KCNQ3: variants seen among roughly 807,000 people sequenced by gnomAD.
The protein encoded by KCNQ3 is potassium voltage-gated channel subfamily Q member 3.
A neutral mutation model predicts 92.5 loss-of-function variants in KCNQ3; 30 were observed. The ratio of observed to expected loss-of-function variants is 0.32; its 90% CI spans 0.24 to 0.44. KCNQ3 has a LOEUF of 0.44. Among genes scored for constraint, KCNQ3 ranks in the 20% least tolerant of loss-of-function variants. The probability of loss-of-function intolerance (pLI) is 1.00; values close to 1 mark genes in which losing one functional copy is unlikely to be tolerated. For missense variants in KCNQ3, 913 were observed against 1,140.3 expected, an observed-to-expected ratio of 0.80 and a Z score of 2.87; for synonymous variants, 450 against 468.8, an observed-to-expected ratio of 0.96 and a Z score of 0.52.
chr8:132,229,931 T>C (rs192511720), intron 1 of KCNQ3, among the ~76,000 whole-genome samples: 2 of 152,230 alleles, frequency 1.3e-5, no homozygotes, highest in East Asian at 1.9e-4. Context: ...CTCACATAAT[T>C]GGCATTTTTG....
intron 9 of KCNQ3, among the ~76,000 whole-genome samples, chr8:132,162,600 G>T (rs556849201): frequency 1.2e-4 from 19 of 152,210 alleles, no homozygotes; most frequent in South Asian, 2.1e-4. Context: ...TCTCCTCAAA[G>T]GCCCTTACAG....
At chr8:132,399,426 A>C (rs1276552875) in intron 1 of KCNQ3, among the ~76,000 whole-genome samples, 4 of 152,152 alleles carry the variant, frequency 2.6e-5, no homozygotes, top group African/African-American at 9.7e-5. Flanking sequence ...CCAGTCTTCT[A>C]CTTCCTCTTA....
At chr8:132,221,705 T>C (rs1814243391) in intron 1 of KCNQ3, among the ~76,000 whole-genome samples, 1 of 152,138 alleles carries the variant, frequency 6.6e-6, no homozygotes, top group African/African-American at 2.4e-5. Flanking sequence ...CTTGTACTGG[T>C]ACCAAAACAG....
At chr8:132,346,056 GATGGA>G (rs909988227) in intron 1 of KCNQ3, among the ~76,000 whole-genome samples, 15 of 152,228 alleles carry the variant, frequency 9.9e-5, no homozygotes, top group Non-Finnish European at 2.2e-4. Flanking sequence ...TGATGGTGAT[GATGGA>G]ATGGTCATAA....
intron 1 of KCNQ3, among the ~76,000 whole-genome samples, chr8:132,212,598 T>A (rs1371052647): frequency 6.6e-6 from 1 of 151,870 alleles, no homozygotes; most frequent in Non-Finnish European, 1.5e-5. Flanking sequence ...CAAAGGCTCA[T>A]CAGGTCCATG....
In KCNQ3 at chr8:132,319,184, C is replaced by T. The variant is rs1485381092; in HGVS notation, c.387-133003G>A. Among the ~76,000 whole-genome samples, 3 of 152,162 alleles carry T rather than the reference C, an allele frequency of 2.0e-5. No homozygotes were observed. The East Asian group carries it at 5.8e-4, about 29-fold the overall frequency. On this transcript the variant is annotated intron_variant, in intron 1 of 14. Transcript: ENST00000388996. ...ATGGATCCCAGTGTTAGGAAATATA[C>T]AAACAACAATCACTTCTGTGCATCA...
intron 1 of KCNQ3, among the ~76,000 whole-genome samples, chr8:132,418,339 G>A (rs566546629): frequency 8.5e-5 from 13 of 152,242 alleles, no homozygotes; most frequent in African/African-American, 2.2e-4. Context: ...TTAATGAGGC[G>A]TGCTCACGGA....
At chr8:132,155,224 A>G (rs1435069637) in intron 9 of KCNQ3, among the ~76,000 whole-genome samples, 2 of 152,192 alleles carry the variant, frequency 1.3e-5, no homozygotes, top group East Asian at 1.9e-4. Flanking sequence ...ATGAGTTACA[A>G]TTCCCTGAGA....
rs140995761 is a variant in KCNQ3, at chr8:132,395,800, A to C, written c.386+84347T>G. The stretch of plus-strand genomic sequence containing the variant: ...GCTGAAGCCGAAGCTCAGTGAGCTC[A>C]AGGGACTTACCCAATGGCATCTCCT... On this transcript the variant is annotated intron_variant, in intron 1 of 14. Transcript: ENST00000388996. 7.4e-3 allele frequency among the ~76,000 whole-genome samples: 1,135 copies of C among 152,354 alleles called. 18 individuals carry two copies. The highest frequency in any genetic ancestry group is 0.026 in the African/African-American group (1,065 of 41,594).
intron 1 of KCNQ3, among the ~76,000 whole-genome samples, chr8:132,439,622 C>A (rs1044579362): frequency 1.3e-5 from 2 of 151,980 alleles, no homozygotes; most frequent in Non-Finnish European, 2.9e-5. Context: ...TCCTTTCCAG[C>A]AGAGGAGGGG....
chr8:132,149,023 CTT>C (rs1825550572), intron 9 of KCNQ3, among the ~76,000 whole-genome samples: 1 of 152,236 alleles, frequency 6.6e-6, no homozygotes, highest in Non-Finnish European at 1.5e-5. Flanking sequence ...TGACCATACA[CTT>C]TATTTCTCTA....
chr8:132,192,157 T>C (rs1343758101), intron 1 of KCNQ3, among the ~76,000 whole-genome samples: 2 of 152,170 alleles, frequency 1.3e-5, no homozygotes, highest in Non-Finnish European at 2.9e-5. Flanking sequence ...TTTCAGCCGA[T>C]TCCCATCCGC....
At chr8:132,257,199 A>T (rs1358878232) in intron 1 of KCNQ3, among the ~76,000 whole-genome samples, 1 of 152,152 alleles carries the variant, frequency 6.6e-6, no homozygotes, top group Non-Finnish European at 1.5e-5. Context: ...ATGATAAATT[A>T]AAAGAATTAA....
intron 1 of KCNQ3, among the ~76,000 whole-genome samples, chr8:132,354,701 C>T (rs1025863199): frequency 6.6e-6 from 1 of 152,230 alleles, no homozygotes; most frequent in Non-Finnish European, 1.5e-5. Context: ...TTCCTACCTT[C>T]CGTGAGATGA....
chr8:132,308,006 C>T (rs1329336934), intron 1 of KCNQ3, among the ~76,000 whole-genome samples: 3 of 152,158 alleles, frequency 2.0e-5, no homozygotes, highest in Admixed American at 1.3e-4. Flanking sequence ...ACCCTTGCCT[C>T]CTGTCCCAGA....
chr8:132,366,622 A>C (rs1218816958), intron 1 of KCNQ3, among the ~76,000 whole-genome samples: 1 of 152,182 alleles, frequency 6.6e-6, no homozygotes, highest in Non-Finnish European at 1.5e-5. Context: ...AATATATTTT[A>C]CCAAGTAAAA....
At chr8:132,311,820 T>C (rs1817601448) in intron 1 of KCNQ3, among the ~76,000 whole-genome samples, 2 of 152,200 alleles carry the variant, frequency 1.3e-5, no homozygotes, top group Non-Finnish European at 2.9e-5. Flanking sequence ...TTGAGCTGAA[T>C]AATGTCCCCC....
At chr8:132,189,079 T>G (rs1032723621) in intron 1 of KCNQ3, among the ~76,000 whole-genome samples, 1 of 152,226 alleles carries the variant, frequency 6.6e-6, no homozygotes, top group African/African-American at 2.4e-5. Flanking sequence ...CATCTCCCGC[T>G]GCTTCCCCAC....
intron 9 of KCNQ3, among the ~76,000 whole-genome samples, chr8:132,148,659 C>T (rs907948701): frequency 6.6e-6 from 1 of 152,210 alleles, no homozygotes; most frequent in African/African-American, 2.4e-5. Flanking sequence ...TCAGCCTTCA[C>T]CAATGTGGAT....
Sources: gnomAD v4.1 joint callset for allele counts (sites outside exome capture counted in the v4.1 genomes callset) on GRCh38, gnomAD v4.1.1 for gene constraint, MANE v1.5 for transcripts, NCBI Gene and HGNC (gene_info 2026-07-23, HGNC 2026-07-21) for gene names.